The following NEDD4 variants were observed in gnomAD, a reference collection of about 807,000 sequenced individuals.
NEDD4 encodes E3 ubiquitin-protein ligase NEDD4.
Under a neutral mutation model 144.9 loss-of-function variants are expected in NEDD4, and 99 were observed. That is an observed-to-expected ratio of 0.68 (90% CI 0.58 to 0.81). The LOEUF (loss-of-function observed/expected upper bound fraction) is 0.81, where lower values mean the gene tolerates loss of function less well. Ranked by LOEUF, NEDD4 falls within the 30% of genes least tolerant of loss-of-function variation. The pLI is 0.00. For missense variants in NEDD4, 985 were observed against 1,065.9 expected (o/e 0.92, Z 1.06); for synonymous variants, 318 against 350.6 (o/e 0.91, Z 1.04).
At position 55,944,316 on chromosome 15, in the gene NEDD4, T is replaced by C. The variant is rs1251054994; in HGVS notation, c.237+7060A>G. On this transcript the variant is annotated intron_variant, in intron 4 of 28. Transcript: ENST00000435532. Reference sequence around the variant, plus strand: ...GTGCTTTTCCCATGGTCTTATCAACTGGCAGACCAGGAGATTCTCTCCCAT... The same window carrying C: ...GTGCTTTTCCCATGGTCTTATCAACCGGCAGACCAGGAGATTCTCTCCCAT... Among the ~76,000 whole-genome samples the C allele has an allele frequency of 2.0e-5, 3 of 152,258 alleles. No homozygotes were observed. In the East Asian group the frequency reaches 5.8e-4, roughly 29 times the overall value.
At chr15:55,988,503 A>AAG (rs1555410401) in intron 1 of NEDD4, among the ~76,000 whole-genome samples, 6 of 147,898 alleles carry the variant, frequency 4.1e-5, no homozygotes, top group Middle Eastern at 3.5e-3. Flanking sequence ...AAAAAAAAAA[A>AAG]AAAGAAAAAC....
At chr15:55,883,047 C>A (rs1261664984) in intron 5 of NEDD4, among the ~76,000 whole-genome samples, 2 of 152,142 alleles carry the variant, frequency 1.3e-5, no homozygotes, top group African/African-American at 4.8e-5. Flanking sequence ...AGTTTAGGTA[C>A]CAGCTTGGCC....
chr15:55,882,721 C>G (rs549499684), intron 5 of NEDD4, among the ~76,000 whole-genome samples: 1 of 152,096 alleles, frequency 6.6e-6, no homozygotes, highest in African/African-American at 2.4e-5. Context: ...CGTGTGCCAC[C>G]CCTACACCAA....
In NEDD4 at chr15:55,993,529, G is replaced by C; in HGVS notation, c.27C>G (p.Phe9Leu). The C allele has an allele frequency of 1.3e-6, 2 of 1,597,710 alleles. No individual in the cohort carries two copies. The highest frequency in any genetic ancestry group is 2.7e-5 in the African/African-American group (2 of 73,190). Reference sequence around the variant, plus strand: ...CCCGCACCTCGTCCTCCAGGAGCCCGAACACCTCCACCGCGCAAGTTGCCA... The same window carrying C: ...CCCGCACCTCGTCCTCCAGGAGCCCCAACACCTCCACCGCGCAAGTTGCCA... MATCAVEV[F>L]GLLEDEENSR... The change falls in exon 1 of 29, where the codon TTC becomes TTG. Residue 9 changes from phenylalanine (F) to leucine (L), a missense_variant. Transcript: ENST00000435532.
intron 5 of NEDD4, among the ~76,000 whole-genome samples, chr15:55,894,325 T>TAC (rs1272268850): frequency 2.6e-5 from 4 of 152,254 alleles, no homozygotes; most frequent in Non-Finnish European, 5.9e-5. Flanking sequence ...TTAGGTATTA[T>TAC]AAGTAATCTA....
At chr15:55,969,503 C>G (rs1210114234) in intron 1 of NEDD4, among the ~76,000 whole-genome samples, 2 of 152,148 alleles carry the variant, frequency 1.3e-5, no homozygotes, top group African/African-American at 4.8e-5. Context: ...CTTCAGACAG[C>G]ACAGTTCATA....
At chr15:55,925,436 A>C (rs2036643942) in intron 4 of NEDD4, among the ~76,000 whole-genome samples, 1 of 152,222 alleles carries the variant, frequency 6.6e-6, no homozygotes, top group Non-Finnish European at 1.5e-5. Context: ...TTATTGACTT[A>C]ATAAAATTAC....
rs2032751177 is a variant in NEDD4, at chr15:55,827,504, T to C, written c.*2393A>G. 1 of 152,218 alleles carries C rather than the reference T, an allele frequency of 6.6e-6. No homozygotes were observed. Among genetic ancestry groups the C allele is most frequent in the Non-Finnish European group, 1.5e-5 (1 of 68,040 alleles). The allele number at this position is 152,218 out of a possible 1,614,324, so 9.4% of individuals were successfully genotyped here. A position where few individuals can be genotyped will look rare whatever the true frequency, so the allele number is the denominator to read the frequency against. On this transcript the variant is annotated 3_prime_UTR_variant, in exon 29 of 29. Transcript: ENST00000435532. The stretch of plus-strand genomic sequence containing the variant: ...ATCATCCAAATGAGTATCAGCCAGA[T>C]ACAAAGAAAGCTTTGTATTTTCTCA...
At chr15:55,927,962 T>A (rs1467771358) in intron 4 of NEDD4, among the ~76,000 whole-genome samples, 1 of 152,214 alleles carries the variant, frequency 6.6e-6, no homozygotes, top group African/African-American at 2.4e-5. Flanking sequence ...AAGAAACTAA[T>A]CTGCTGTCCT....
chr15:55,881,072 A>AT (rs2035174144), intron 5 of NEDD4, among the ~76,000 whole-genome samples: 1 of 151,764 alleles, frequency 6.6e-6, no homozygotes, highest in Non-Finnish European at 1.5e-5. Context: ...GTTGATGATA[A>AT]TTTTTGAAAT....
intron 9 of NEDD4, among the ~76,000 whole-genome samples, chr15:55,861,811 A>G (rs1566917186): frequency 1.3e-5 from 2 of 152,206 alleles, no homozygotes; most frequent in Non-Finnish European, 2.9e-5. Context: ...TAATAAAATT[A>G]CTGTTTATTT....
chr15:55,837,645 T>G (rs1268053326), intron 24 of NEDD4, 144 bp downstream of exon 24: 1 of 543,026 alleles, frequency 1.8e-6, no homozygotes, highest in Non-Finnish European at 3.2e-6. Context: ...AATGGAATAT[T>G]TAGTTAATAT....
intron 5 of NEDD4, chr15:55,915,178 A>C (rs2036396184): frequency 1.0e-6 from 1 of 994,506 alleles, no homozygotes. Flanking sequence ...CTAGCTAAGG[A>C]CCAGGAAAAT....
chr15:55,878,399 T>C (rs2035067804), intron 5 of NEDD4, among the ~76,000 whole-genome samples: 1 of 152,070 alleles, frequency 6.6e-6, no homozygotes, highest in Non-Finnish European at 1.5e-5. Flanking sequence ...AAATAAATGG[T>C]AAATATTATA....
In NEDD4 at chr15:55,951,405, G is replaced by T. The variant is rs530264556; in HGVS notation, c.208C>A (p.Pro70Thr). The T allele has an allele frequency of 4.8e-6, 5 of 1,035,864 alleles. No homozygotes were observed. The highest frequency in any genetic ancestry group is 3.2e-5 in the South Asian group (2 of 61,874). 64.2% of individuals were successfully genotyped at this position (1,035,864 alleles called of 1,614,324 possible). Residue 70 changes from proline (P) to threonine (T), a missense_variant, in exon 4 of 29, where the codon CCA becomes ACA. Pro to Thr is a conservative substitution (Grantham distance 38). Coordinates refer to ENST00000435532, the MANE Select transcript of NEDD4 (RefSeq NM_006154.4). The part of the protein sequence containing the change: ...QTKTIKKSLN[P>T]KWNEEILFRV... ...AATAATATTTCTTCATTCCACTTTG[G>T]ATTCAAACTCTAAAAAATAATAAAC...
In NEDD4 at chr15:55,916,278, A is replaced by T. The variant is rs143372577; in HGVS notation, c.291+8368T>A. The stretch of plus-strand genomic sequence containing the variant: ...AGTATAACTACTACTGTCACTGATG[A>T]CACTGTTAGTATATGAACCTCCACT... On this transcript the variant is annotated intron_variant, in intron 5 of 28. Transcript: ENST00000435532. 1,138 of 1,614,042 alleles carry T rather than the reference A, an allele frequency of 7.1e-4. 20 individuals carry two copies. The African/African-American group carries it at 0.012, about 17-fold the overall frequency.
In NEDD4 at chr15:55,840,311, G is replaced by A. The variant is rs1310656505; in HGVS notation, c.2031+136C>T. ...TGTTAGAAAATTTTCATAATAAAATGTTGAGGAAAAAGTTCATTTGTATTT... is the reference window on the plus strand; with the variant it reads ...TGTTAGAAAATTTTCATAATAAAATATTGAGGAAAAAGTTCATTTGTATTT... On this transcript the variant is annotated intron_variant, in intron 21 of 28. Transcript: ENST00000435532. The A allele has an allele frequency of 5.0e-6, 4 of 800,824 alleles. No individual in the cohort carries two copies. The African/African-American group carries it at 5.3e-5, about 11-fold the overall frequency. 49.6% of individuals were successfully genotyped at this position (800,824 alleles called of 1,614,324 possible).
chr15:55,963,060 C>T (rs1174925162), intron 2 of NEDD4, among the ~76,000 whole-genome samples: 1 of 152,034 alleles, frequency 6.6e-6, no homozygotes, highest in Non-Finnish European at 1.5e-5. Context: ...GCTAGGATTA[C>T]AGGCGTGAGC....
In NEDD4 at chr15:55,842,078, C is replaced by G; in HGVS notation, c.1694G>C (p.Arg565Thr). The change falls in exon 19 of 29, where the codon AGA becomes ACA. Residue 565 changes from arginine (R) to threonine (T), a missense_variant. By Grantham distance (71) the Arg-to-Thr change is moderately conservative (BLOSUM62 -1). Coordinates refer to ENST00000435532, the MANE Select transcript of NEDD4 (RefSeq NM_006154.4). ...CAGTCGAGCCTTCAGGAAGTCTGCT[C>G]TCTTGACACCCATAATTCTCCGGTA... is the stretch of plus-strand genomic sequence containing the variant. ...DSYRRIMGVKRADFLKARLWI... is the reference protein window; with the variant it reads ...DSYRRIMGVKTADFLKARLWI... The G allele has an allele frequency of 2.5e-6, 4 of 1,614,194 alleles. No homozygotes were observed. Among genetic ancestry groups the G allele is most frequent in the Non-Finnish European group, 3.4e-6 (4 of 1,180,034 alleles).
Sources: allele counts gnomAD v4.1 joint callset (sites outside exome capture counted in the v4.1 genomes callset), GRCh38; gene constraint gnomAD v4.1.1; transcripts MANE v1.5; gene names NCBI Gene and HGNC (gene_info 2026-07-23, HGNC 2026-07-21).